Variants in TENM4 observed in about 807,000 individuals in gnomAD.
TENM4 encodes teneurin-4.
A neutral mutation model predicts 243.3 loss-of-function variants in TENM4; 82 were observed. The observed-to-expected ratio is 0.34, with a 90% CI of 0.28 to 0.40. TENM4 has a LOEUF of 0.40. TENM4 is among the 10% of genes least tolerant of loss of function. TENM4 has a pLI of 1.00. For synonymous variants in TENM4, 1,412 were observed against 1,456.3 expected (o/e 0.97, Z 0.69); for missense variants, 3,138 against 3,673.3 (o/e 0.85, Z 3.77).
chr11:79,034,543 C>A (rs1859327401), intron 6 of TENM4, among the ~76,000 whole-genome samples: 1 of 152,104 alleles, frequency 6.6e-6, no homozygotes, highest in Non-Finnish European at 1.5e-5. Context: ...CTGAAGAAAT[C>A]TGAAACCACC....
chr11:78,963,173 ACACT>A (rs1857368486), intron 6 of TENM4, among the ~76,000 whole-genome samples: 1 of 152,248 alleles, frequency 6.6e-6, no homozygotes, highest in South Asian at 2.1e-4. Flanking sequence ...TAATTTTAGG[ACACT>A]CACATTCTGT....
intron 4 of TENM4, among the ~76,000 whole-genome samples, chr11:79,129,833 G>T (rs182574679): frequency 6.6e-6 from 1 of 152,094 alleles, no homozygotes; most frequent in Admixed American, 6.5e-5. Flanking sequence ...GCATTTAATC[G>T]TGGGAGTTCT....
At chr11:79,201,443 G>A (rs546879481) in intron 3 of TENM4, among the ~76,000 whole-genome samples, 2 of 148,178 alleles carry the variant, frequency 1.3e-5, no homozygotes, top group Admixed American at 6.8e-5. Context: ...CTTTTAAATG[G>A]AAATAACTCC....
chr11:79,180,005 C>G lies in TENM4; in HGVS notation c.-162-31199G>C, dbSNP rs750544988. 6.6e-5 allele frequency among the ~76,000 whole-genome samples: 10 copies of G among 151,766 alleles called. 1 individual carries two copies. Among genetic ancestry groups the G allele is most frequent in the Non-Finnish European group, 1.3e-4 (9 of 67,826 alleles). On this transcript the variant is annotated intron_variant, in intron 3 of 33. Coordinates refer to ENST00000278550, the MANE Select transcript of TENM4 (RefSeq NM_001098816.3). ...AGCTTTGGGAATGGAATCATGATCT[C>G]TCTGTCTCCAAAACCTAAGGTCTGG...
At position 78,702,205 on chromosome 11, in the gene TENM4, C is replaced by T. The variant is rs1464386535; in HGVS notation, c.4408G>A (p.Ala1470Thr). The T allele has an allele frequency of 1.2e-6, 2 of 1,613,908 alleles. No homozygotes were observed. Among genetic ancestry groups the T allele is most frequent in the Admixed American group, 3.3e-5 (2 of 60,010 alleles). Residue 1470 changes from alanine to threonine, a missense_variant, in exon 28 of 34, where the codon GCC becomes ACC. Ala to Thr is a moderately conservative substitution (Grantham distance 58). Coordinates refer to ENST00000278550, the MANE Select transcript of TENM4 (RefSeq NM_001098816.3). ...TTGTGTGAAACAGCCAAAGCGGTGG[C>T]TGACTCCAGGGTTGCGTGGATGGCC... ...KVAIHATLES[A>T]TALAVSHNGV...
chr11:79,275,731 T>C (rs574334642), intron 2 of TENM4, among the ~76,000 whole-genome samples: 12 of 152,350 alleles, frequency 7.9e-5, no homozygotes, highest in Admixed American at 6.5e-5. Context: ...CCAAGTCTTG[T>C]TGGGTTAAAC....
intron 19 of TENM4, among the ~76,000 whole-genome samples, chr11:78,751,118 C>T (rs901959181): frequency 4.6e-5 from 7 of 152,082 alleles, no homozygotes; most frequent in Non-Finnish European, 7.4e-5. Context: ...TGAACTCAAG[C>T]GATCCATCTG....
intron 6 of TENM4, among the ~76,000 whole-genome samples, chr11:79,027,834 A>G (rs1859120068): frequency 6.6e-6 from 1 of 152,180 alleles, no homozygotes; most frequent in Admixed American, 6.5e-5. Flanking sequence ...CTGTTGGGCT[A>G]CAGGCATGTG....
intron 2 of TENM4, among the ~76,000 whole-genome samples, chr11:79,293,771 T>C (rs181858929): frequency 1.1e-3 from 160 of 152,308 alleles, no homozygotes; most frequent in African/African-American, 3.6e-3. Context: ...CTCAATGGCT[T>C]ACCCGGTTTG....
chr11:79,346,533 G>A (rs188010720), intron 1 of TENM4, among the ~76,000 whole-genome samples: 3 of 152,098 alleles, frequency 2.0e-5, no homozygotes, highest in East Asian at 1.9e-4. Context: ...ACATACACAC[G>A]CTTATTCTAT....
In TENM4 at chr11:78,765,027, A is replaced by G. The variant is rs1200165525; in HGVS notation, c.2539+5965T>C. On this transcript the variant is annotated intron_variant, in intron 18 of 33. Coordinates refer to ENST00000278550, the MANE Select transcript of TENM4 (RefSeq NM_001098816.3). ...CATGGTTCCTTAACCTCACAGCCCC[A>G]TGGACAGTGTATAGCAAGCCCATCA... 2.0e-5 allele frequency among the ~76,000 whole-genome samples: 3 copies of G among 152,204 alleles called. No homozygotes were observed. The East Asian group carries it at 5.8e-4, about 29-fold the overall frequency.
chr11:79,137,899 GT>G (rs1862141704), intron 4 of TENM4, among the ~76,000 whole-genome samples: 1 of 152,008 alleles, frequency 6.6e-6, no homozygotes, highest in Non-Finnish European at 1.5e-5. Flanking sequence ...ATGTGCATGG[GT>G]TCAGGTTGAC....
intron 7 of TENM4, among the ~76,000 whole-genome samples, chr11:78,895,061 C>T (rs888405780): frequency 4.3e-5 from 6 of 141,138 alleles, no homozygotes; most frequent in Non-Finnish European, 6.1e-5. Context: ...TAGTCTTGTT[C>T]TGCTGGGCGT....
intron 15 of TENM4, among the ~76,000 whole-genome samples, chr11:78,796,772 T>C (rs1412861250): frequency 3.9e-5 from 6 of 152,220 alleles, no homozygotes; most frequent in African/African-American, 1.4e-4. Context: ...AAGCTACTCA[T>C]CTTTCCTAGA....
intron 2 of TENM4, among the ~76,000 whole-genome samples, chr11:79,284,242 A>G (rs181277948): frequency 1.5e-3 from 221 of 152,334 alleles, no homozygotes; most frequent in Non-Finnish European, 1.9e-3. Context: ...GGAACACAGA[A>G]TATTCACATA....
chr11:78,825,079 T>A (rs745322815), intron 12 of TENM4, among the ~76,000 whole-genome samples: 8 of 152,230 alleles, frequency 5.3e-5, no homozygotes, highest in Non-Finnish European at 1.2e-4. Context: ...ATCAAGTCTC[T>A]ATTGACTCCA....
chr11:78,675,985 T>C (rs74383890), intron 30 of TENM4, among the ~76,000 whole-genome samples, 167 bp downstream of exon 30: 7,522 of 152,244 alleles, frequency 0.049, 614 homozygotes, highest in African/African-American at 0.17. Context: ...AAGTAAAAAC[T>C]AAAAAGACAC....
At chr11:78,833,694 C>A (rs766641891) in intron 12 of TENM4, among the ~76,000 whole-genome samples, 3 of 152,212 alleles carry the variant, frequency 2.0e-5, no homozygotes, top group African/African-American at 7.2e-5. Context: ...CCTTGGCTTA[C>A]TTTATCATGT....
chr11:78,777,016 T>C lies in TENM4; in HGVS notation c.2392+1586A>G, dbSNP rs549692761. Among the ~76,000 whole-genome samples, 92 of 152,166 alleles carry C rather than the reference T, an allele frequency of 6.0e-4. 1 individual carries two copies. The highest frequency in any genetic ancestry group is 2.1e-3 in the African/African-American group (88 of 41,510). ...AACTCCCTCAACTTCAGTTTCCTTT[T>C]TCAATTGAATGGGTATCATTATATC... On this transcript the variant is annotated intron_variant, in intron 17 of 33. Transcript: ENST00000278550.
Sources: allele counts gnomAD v4.1 joint callset (sites outside exome capture counted in the v4.1 genomes callset), GRCh38; gene constraint gnomAD v4.1.1; transcripts MANE v1.5; gene names NCBI Gene and HGNC (gene_info 2026-07-23, HGNC 2026-07-21).